Variants in TSPAN16 observed in about 807,000 individuals in gnomAD.
TSPAN16 encodes tetraspanin-16.
A neutral mutation model predicts 25.2 loss-of-function variants in TSPAN16; 23 were observed. The ratio of observed to expected loss-of-function variants is 0.91; its 90% CI spans 0.66 to 1.29. TSPAN16 has a LOEUF of 1.29. Ranked by LOEUF, TSPAN16 falls within the 50% of genes most tolerant of loss-of-function variation. TSPAN16 has a pLI of 0.00. For missense variants in TSPAN16, 272 were observed against 299.9 expected (o/e 0.91, Z 0.69); for synonymous variants, 123 against 124.4 (o/e 0.99, Z 0.08).
At chr19:11,309,250 GTTCATTCC>G (rs1568292050) in intron 5 of TSPAN16, among the ~76,000 whole-genome samples, 1 of 151,818 alleles carries the variant, frequency 6.6e-6, no homozygotes, top group African/African-American at 2.4e-5. Context: ...AATATGAATC[GTTCATTCC>G]TTCATTTGCA....
chr19:11,326,279 G>C (rs2080812467), intron 6 of TSPAN16, among the ~76,000 whole-genome samples: 1 of 151,872 alleles, frequency 6.6e-6, no homozygotes, highest in Non-Finnish European at 1.5e-5. Flanking sequence ...TACTCGGAAG[G>C]TTAAGGCAGG....
intron 1 of TSPAN16, among the ~76,000 whole-genome samples, chr19:11,297,452 A>C (rs1177550576): frequency 1.3e-5 from 2 of 151,502 alleles, no homozygotes; most frequent in African/African-American, 4.9e-5. Flanking sequence ...TTTTTCAGAA[A>C]AAAAAAATTG....
chr19:11,314,627 G>T (rs1374651987), intron 6 of TSPAN16, among the ~76,000 whole-genome samples: 4 of 152,046 alleles, frequency 2.6e-5, no homozygotes, highest in African/African-American at 9.7e-5. Flanking sequence ...GCCCCCAGAT[G>T]GTCCATTTAA....
chr19:11,298,953 A>G lies in TSPAN16; in HGVS notation c.342+7A>G, dbSNP rs377605065. 28 of 1,613,154 alleles carry G rather than the reference A, an allele frequency of 1.7e-5. No homozygotes were observed. The highest frequency in any genetic ancestry group is 2.7e-5 in the African/African-American group (2 of 74,886). ...CCTTCTTTTCTTTCCAATTGTAAGT[A>G]CAGCCCTGCTCCTCCCACATAGCAT... On this transcript the variant is annotated splice_region_variant and intron_variant, in intron 3 of 6. Coordinates refer to ENST00000590327, the MANE Select transcript of TSPAN16 (RefSeq NM_001282509.2).
chr19:11,303,590 A>C (rs138801087), intron 4 of TSPAN16, among the ~76,000 whole-genome samples: 3,163 of 147,806 alleles, frequency 0.021, 191 homozygotes, highest in African/African-American at 0.066. Flanking sequence ...AAAAAAAAAA[A>C]AAAAAAACTC....
chr19:11,319,703 T>C (rs890578245), downstream of TSPAN16, among the ~76,000 whole-genome samples: 3 of 152,150 alleles, frequency 2.0e-5, no homozygotes, highest in African/African-American at 7.2e-5. Context: ...GGGGATGGTG[T>C]GCAGCACTTC....
Position 11,312,218 on chromosome 19 carries a change from T to C in TSPAN16, c.683T>C (p.Ile228Thr), listed in dbSNP as rs1302459972. 7 of 1,610,208 alleles carry C rather than the reference T, an allele frequency of 4.3e-6. No homozygotes were observed. The Admixed American group carries it at 1.0e-4, about 23-fold the overall frequency. The change falls in exon 6 of 7, where the codon ATA becomes ACA. Residue 228 changes from isoleucine (I) to threonine (T), a missense_variant. Ile to Thr is a moderately conservative substitution (Grantham distance 89, BLOSUM62 -1). Transcript: ENST00000590327. The part of the protein sequence containing the change: ...LSGSSLGAAV[I>T]QLPGILATLL... ...GGGAGCTCTCTGGGAGCTGCAGTGA[T>C]ACAGGTAAGACCCAGCCTCTCTAGG...
At chr19:11,320,711 G>A, downstream of TSPAN16, among the ~76,000 whole-genome samples, 1 of 151,576 alleles carries the variant, frequency 6.6e-6, no homozygotes, top group East Asian at 1.9e-4. Context: ...AAAGAAAAAA[G>A]AAATGCTGGG....
intron 6 of TSPAN16, 85 bp from the exon 7 acceptor site, chr19:11,315,706 C>T (rs2080742513): frequency 9.2e-7 from 1 of 1,087,406 alleles, no homozygotes. Context: ...GAACAGGATG[C>T]TCCCCTTGTC....
chr19:11,322,771 A>C (rs1164496810), intron 6 of TSPAN16: 1 of 152,258 alleles, frequency 6.6e-6, no homozygotes, highest in Non-Finnish European at 1.5e-5. Context: ...TTATGTAAAC[A>C]GAAAGCTTAG....
intron 4 of TSPAN16, among the ~76,000 whole-genome samples, chr19:11,302,919 A>C (rs1599332791): frequency 7.4e-6 from 1 of 135,038 alleles, no homozygotes; most frequent in Non-Finnish European, 1.5e-5. Context: ...ATGGGGTTTC[A>C]CCATGTTGCT....
downstream of TSPAN16, among the ~76,000 whole-genome samples, chr19:11,318,072 G>C (rs2080758056): frequency 6.6e-6 from 1 of 151,844 alleles, no homozygotes; most frequent in Non-Finnish European, 1.5e-5. Context: ...TGTCCCCCAG[G>C]CTGGAGTGCA....
chr19:11,306,675 C>A lies in TSPAN16; in HGVS notation c.522C>A (p.Thr174=). The A allele has an allele frequency of 8.7e-6, 14 of 1,614,092 alleles. No homozygotes were observed. Among genetic ancestry groups the A allele is most frequent in the Non-Finnish European group, 1.2e-5 (14 of 1,180,040 alleles). The change falls in exon 5 of 7, where the codon ACC becomes ACA. Residue 174 remains threonine, a synonymous_variant. Coordinates refer to ENST00000590327, the MANE Select transcript of TSPAN16 (RefSeq NM_001282509.2). ...GSSFEMTTGH[T]YPRSCCKSIG... ...CCTTCGAAATGACAACGGGCCACAC[C>A]TACCCCAGGAGTTGCTGTAAATCCA...
chr19:11,315,720 G>C (rs966876951), intron 6 of TSPAN16, 71 bp from the exon 7 acceptor site: 13 of 1,169,750 alleles, frequency 1.1e-5, no homozygotes, highest in Non-Finnish European at 1.4e-5. Context: ...CCTTGTCCCC[G>C]TAACTCCAGT....
At chr19:11,322,896 G>C (rs2080788705) in intron 6 of TSPAN16, 1 of 152,084 alleles carries the variant, frequency 6.6e-6, no homozygotes, top group African/African-American at 2.4e-5. Flanking sequence ...CAGCAGTTTA[G>C]AGACAATTGG....
intron 4 of TSPAN16, among the ~76,000 whole-genome samples, chr19:11,303,577 T>TAAAAAA (rs1322861353): frequency 3.8e-5 from 3 of 78,306 alleles, no homozygotes; most frequent in South Asian, 4.3e-4. Context: ...ATAAATAAAT[T>TAAAAAA]AAAAAAAAAA....
At chr19:11,296,417 A>G (rs775018042) in intron 1 of TSPAN16, 51 bp downstream of exon 1, 8 of 1,571,578 alleles carry the variant, frequency 5.1e-6, no homozygotes, top group Non-Finnish European at 7.0e-6. Flanking sequence ...CTTCCTCCAC[A>G]GTCAGCTCCC....
At chr19:11,300,416 G>A (rs2080531654) in intron 3 of TSPAN16, among the ~76,000 whole-genome samples, 1 of 152,096 alleles carries the variant, frequency 6.6e-6, no homozygotes, top group South Asian at 2.1e-4. Context: ...TGCTCCCAGG[G>A]GGCATGTGGG....
downstream of TSPAN16, chr19:11,316,080 AT>A: frequency 3.1e-6 from 1 of 324,040 alleles, no homozygotes; most frequent in Non-Finnish European, 4.3e-6. Flanking sequence ...TTTGTAAATT[AT>A]TCTTGGTGTG....
Sources: allele counts gnomAD v4.1 joint callset (sites outside exome capture counted in the v4.1 genomes callset), GRCh38; gene constraint gnomAD v4.1.1; transcripts MANE v1.5; gene names NCBI Gene and HGNC (gene_info 2026-07-23, HGNC 2026-07-21).